The following CCDC69 variants were observed in gnomAD, a reference collection of about 807,000 sequenced individuals.
CCDC69 encodes the protein coiled-coil domain-containing protein 69.
Under a neutral mutation model 40.3 loss-of-function variants are expected in CCDC69, and 38 were observed. That is an observed-to-expected ratio of 0.94 (90% CI 0.73 to 1.24). CCDC69 has a LOEUF of 1.24. CCDC69 is among the 50% of genes most tolerant of loss of function. The pLI, the probability that CCDC69 is intolerant of heterozygous loss-of-function variation, is 0.00. For missense variants in CCDC69, 389 were observed against 357.9 expected, an observed-to-expected ratio of 1.09 and a Z score of -0.70; for synonymous variants, 141 against 138.9, an observed-to-expected ratio of 1.02 and a Z score of -0.11.
At chr5:151,196,244 C>T (rs534280714) in intron 4 of CCDC69, among the ~76,000 whole-genome samples, 6 of 152,210 alleles carry the variant, frequency 3.9e-5, no homozygotes, top group East Asian at 3.9e-4. Flanking sequence ...CTCTGCCTCC[C>T]GGGTTCAAGC....
Position 151,184,372 on chromosome 5 carries a change from G to C in CCDC69, c.685C>G (p.Arg229Gly). The change falls in exon 8 of 9, where the codon CGA becomes GGA. Residue 229 changes from arginine (R) to glycine (G), a missense_variant. Arg to Gly is a moderately radical substitution (Grantham distance 125). Transcript: ENST00000355417. ...GACAGGACCACCTGGTTGCGGCTTC[G>C]GACATGGAGGTCCTCATTTTCCTGT... ...LQQENEDLHV[R>G]SRNQVVLSRQ... 1 of 1,614,014 alleles carries C rather than the reference G, an allele frequency of 6.2e-7. No homozygotes were observed. The highest frequency in any genetic ancestry group is 1.1e-5 in the South Asian group (1 of 91,082).
At chr5:151,193,683 T>G (rs903295552) in intron 4 of CCDC69, among the ~76,000 whole-genome samples, 4 of 152,128 alleles carry the variant, frequency 2.6e-5, no homozygotes, top group Non-Finnish European at 5.9e-5. Flanking sequence ...CTTTGTTACC[T>G]GGGGTTTAGC....
In CCDC69 at chr5:151,224,048, C is replaced by T. The variant is rs1753179345; in HGVS notation, c.-78G>A. On this transcript the variant is annotated 5_prime_UTR_variant, in exon 1 of 9. Coordinates refer to ENST00000355417, the MANE Select transcript of CCDC69 (RefSeq NM_015621.3). Reference sequence around the variant, plus strand: ...AGCCTGCGATCCGGGCCCCGCTGCCCGCTCCGCGCCCGCCGGCTGGGGCTG... The same window carrying T: ...AGCCTGCGATCCGGGCCCCGCTGCCTGCTCCGCGCCCGCCGGCTGGGGCTG... 6.9e-6 allele frequency: 9 copies of T among 1,303,152 alleles called. No individual in the cohort carries two copies. The South Asian group carries it at 1.1e-4, about 16-fold the overall frequency. The allele number at this position is 1,303,152 out of a possible 1,614,324, so 80.7% of individuals were successfully genotyped here.
At chr5:151,188,368 G>A (rs911363521) in intron 4 of CCDC69, among the ~76,000 whole-genome samples, 2 of 152,232 alleles carry the variant, frequency 1.3e-5, no homozygotes, top group Admixed American at 1.3e-4. Flanking sequence ...ACTTTGGGAG[G>A]CTGAGGTGGA....
intron 1 of CCDC69, among the ~76,000 whole-genome samples, chr5:151,213,849 C>A (rs982242251): frequency 6.6e-6 from 1 of 152,204 alleles, no homozygotes; most frequent in African/African-American, 2.4e-5. Flanking sequence ...CTTAAGAGTT[C>A]ACCCAGCTCC....
At chr5:151,204,325 G>A (rs1231958366) in intron 2 of CCDC69, among the ~76,000 whole-genome samples, 2 of 152,106 alleles carry the variant, frequency 1.3e-5, no homozygotes, top group African/African-American at 2.4e-5. Flanking sequence ...AAGAGCCACC[G>A]CACCTGGCCT....
At position 151,185,512 on chromosome 5, in the gene CCDC69, C is replaced by A; in HGVS notation, c.525G>T (p.Glu175Asp). The A allele has an allele frequency of 6.8e-6, 11 of 1,614,050 alleles. No homozygotes were observed. Among genetic ancestry groups the A allele is most frequent in the Non-Finnish European group, 9.3e-6 (11 of 1,179,918 alleles). ...CAAAGTGTAAGCTCTCCAGCTCCTG[C>A]TCCCAGAACTGGCTGGGGCTCCCAT... is the stretch of plus-strand genomic sequence containing the variant. ...QDYGSPSQFW[E>D]QELESLHFVI... Residue 175 changes from glutamate (E) to aspartate (D), a missense_variant, in exon 7 of 9, where the codon GAG becomes GAT. Coordinates refer to ENST00000355417, the MANE Select transcript of CCDC69 (RefSeq NM_015621.3).
chr5:151,203,102 A>G (rs1439296598), intron 2 of CCDC69, among the ~76,000 whole-genome samples: 2 of 152,162 alleles, frequency 1.3e-5, no homozygotes, highest in Admixed American at 1.3e-4. Flanking sequence ...GGAGTCATGC[A>G]ACTTGTTCAA....
intron 1 of CCDC69, among the ~76,000 whole-genome samples, chr5:151,216,774 TAAC>T (rs1348664808): frequency 6.6e-6 from 1 of 152,028 alleles, no homozygotes; most frequent in East Asian, 1.9e-4. Flanking sequence ...ACAAAGAAAT[TAAC>T]AACAACAAGA....
At chr5:151,214,969 C>T (rs941548339) in intron 1 of CCDC69, among the ~76,000 whole-genome samples, 6 of 152,212 alleles carry the variant, frequency 3.9e-5, no homozygotes, top group Non-Finnish European at 7.3e-5. Flanking sequence ...CTAGGGCTCC[C>T]GTTTTCTTGT....
intron 4 of CCDC69, among the ~76,000 whole-genome samples, 200 bp from the exon 5 acceptor site, chr5:151,187,659 T>C (rs979501327): frequency 6.6e-6 from 1 of 152,078 alleles, no homozygotes; most frequent in African/African-American, 2.4e-5. Context: ...TAATAAAACC[T>C]CAAGGAAATT....
In CCDC69 at chr5:151,201,601, T is replaced by C; in HGVS notation, c.212A>G (p.Lys71Arg). ...TRILQQHEEEKKKWAQQVEKE... is the reference protein window; with the variant it reads ...TRILQQHEEERKKWAQQVEKE... ...ACTTACCTGTTGTGCCCATTTCTTCTTTTCCTCCTCATGTTGCTGGAGAAT... is the reference window on the plus strand; with the variant it reads ...ACTTACCTGTTGTGCCCATTTCTTCCTTTCCTCCTCATGTTGCTGGAGAAT... The change falls in exon 3 of 9, where the codon AAG becomes AGG. Residue 71 changes from lysine (K) to arginine (R), a missense_variant. Lys to Arg is a conservative substitution (Grantham distance 26, BLOSUM62 2). Transcript: ENST00000355417. The C allele has an allele frequency of 6.2e-7, 1 of 1,613,050 alleles. No homozygotes were observed. Among genetic ancestry groups the C allele is most frequent in the Non-Finnish European group, 8.5e-7 (1 of 1,179,260 alleles).
At chr5:151,217,124 C>G (rs1358725395) in intron 1 of CCDC69, among the ~76,000 whole-genome samples, 1 of 152,154 alleles carries the variant, frequency 6.6e-6, no homozygotes, top group Non-Finnish European at 1.5e-5. Flanking sequence ...CTCCAAATAC[C>G]CTGACTTGAT....
At position 151,213,846 on chromosome 5, in the gene CCDC69, G is replaced by C. The variant is rs772172701; in HGVS notation, c.49-8371C>G. Among the ~76,000 whole-genome samples, 34 of 152,172 alleles carry C rather than the reference G, an allele frequency of 2.2e-4. 1 individual carries two copies. The highest frequency in any genetic ancestry group is 4.7e-4 in the Non-Finnish European group (32 of 68,016). On this transcript the variant is annotated intron_variant, in intron 1 of 8. Transcript: ENST00000355417. The stretch of plus-strand genomic sequence containing the variant: ...AGTAATTAAAGAAGACTCCTTAAGA[G>C]TTCACCCAGCTCCTCCGTGTCCCAT...
Position 151,185,505 on chromosome 5 carries a change from G to C in CCDC69, c.532C>G (p.Leu178Val). 5 of 1,614,016 alleles carry C rather than the reference G, an allele frequency of 3.1e-6. No homozygotes were observed. The highest frequency in any genetic ancestry group is 4.2e-6 in the Non-Finnish European group (5 of 1,179,932). ...TCGATGACAAAGTGTAAGCTCTCCA[G>C]CTCCTGCTCCCAGAACTGGCTGGGG... ...GSPSQFWEQE[L>V]ESLHFVIEMK... is the part of the protein sequence containing the mutation. The change falls in exon 7 of 9, where the codon CTG becomes GTG. Residue 178 changes from leucine to valine, a missense_variant. By Grantham distance (32) the Leu-to-Val change is conservative. Transcript: ENST00000355417.
intron 1 of CCDC69, among the ~76,000 whole-genome samples, chr5:151,219,912 C>T (rs1753111050): frequency 1.3e-5 from 2 of 152,108 alleles, no homozygotes; most frequent in Non-Finnish European, 2.9e-5. Context: ...GATAGGAACT[C>T]ACTACCCTTT....
At chr5:151,212,890 G>A (rs945872166) in intron 1 of CCDC69, 8 of 456,126 alleles carry the variant, frequency 1.8e-5, no homozygotes, top group Non-Finnish European at 3.5e-5. Flanking sequence ...TCACAAACTG[G>A]TAGGCTGCCT....
At chr5:151,209,514 A>G (rs1752899057) in intron 1 of CCDC69, among the ~76,000 whole-genome samples, 1 of 152,160 alleles carries the variant, frequency 6.6e-6, no homozygotes, top group Non-Finnish European at 1.5e-5. Flanking sequence ...TAACTCCTTC[A>G]GAATGGCAGT....
chr5:151,215,731 C>T (rs766337542), intron 1 of CCDC69: 4 of 313,368 alleles, frequency 1.3e-5, no homozygotes, highest in South Asian at 2.2e-5. Flanking sequence ...CCAAGTTGCA[C>T]GCAGCATGCT....
Sources: gnomAD v4.1 joint callset for allele counts (sites outside exome capture counted in the v4.1 genomes callset) on GRCh38, gnomAD v4.1.1 for gene constraint, MANE v1.5 for transcripts, NCBI Gene and HGNC (gene_info 2026-07-23, HGNC 2026-07-21) for gene names.